TCF20: variants seen among roughly 807,000 people sequenced by gnomAD.
TCF20 encodes the protein SPRE-binding protein.
In TCF20, 3 loss-of-function variants were observed where a neutral mutation model predicts 148.6. That is an observed-to-expected ratio of 0.02 (90% CI 0.01 to 0.05). The LOEUF (loss-of-function observed/expected upper bound fraction) is 0.05. Ranked by LOEUF, TCF20 falls within the 10% of genes least tolerant of loss-of-function variation. The pLI is 1.00. For missense variants in TCF20, 2,350 were observed against 2,429.3 expected, an observed-to-expected ratio of 0.97 and a Z score of 0.69; for synonymous variants, 1,049 against 909.5, an observed-to-expected ratio of 1.15 and a Z score of -2.76.
Position 42,299,070 on chromosome 22 carries a change from C to T in TCF20, c.-37+44409G>A, listed in dbSNP as rs904243043. Among the ~76,000 whole-genome samples, 1 of 152,194 alleles carries T rather than the reference C, an allele frequency of 6.6e-6. No individual in the cohort carries two copies. The highest frequency in any genetic ancestry group is 2.4e-5 in the African/African-American group (1 of 41,462). On this transcript the variant is annotated intron_variant, in intron 1 of 1. Transcript: ENST00000515426. The surrounding 1 kb of genome is among the most constrained non-coding windows in gnomAD (Gnocchi z 4.1). ...GATGGGTGGGCTCCAAGGGTTCCCA[C>T]ACCCACCGCCTGCCCAGACCCCTGC...
intron 1 of TCF20, among the ~76,000 whole-genome samples, chr22:42,319,860 GTCAC>G (rs1396321313): frequency 6.6e-6 from 1 of 152,142 alleles, no homozygotes; most frequent in Non-Finnish European, 1.5e-5. Flanking sequence ...CCGCAGCTGT[GTCAC>G]TGGATCCCCT....
At chr22:42,255,917 C>T (rs1925716459) in intron 1 of TCF20, among the ~76,000 whole-genome samples, 2 of 152,134 alleles carry the variant, frequency 1.3e-5, no homozygotes, top group Admixed American at 1.3e-4. Flanking sequence ...GCCCACGCTC[C>T]CTTCTGACCT....
chr22:42,300,056 T>TTCC (rs984444972), intron 1 of TCF20, among the ~76,000 whole-genome samples: 2 of 152,122 alleles, frequency 1.3e-5, no homozygotes, highest in African/African-American at 4.8e-5. Context: ...GTTCCTTTCG[T>TTCC]TCCTTCGTTC....
chr22:42,293,956 C>T (rs965929790), intron 1 of TCF20, among the ~76,000 whole-genome samples: 1 of 152,214 alleles, frequency 6.6e-6, no homozygotes, highest in Admixed American at 6.5e-5. Flanking sequence ...GGCAAAACTG[C>T]ACCACAGCAC....
rs888345735 is a variant in TCF20, at chr22:42,315,880, G to A, written c.-37+27599C>T. On this transcript the variant is annotated intron_variant, in intron 1 of 1. Coordinates refer to the TCF20 transcript ENST00000515426. Reference sequence around the variant, plus strand: ...TGTAATCCCAGCACTTTGGGAGGCCGAGGTGGGTGGATCACTTGAGGTCAG... The same window carrying A: ...TGTAATCCCAGCACTTTGGGAGGCCAAGGTGGGTGGATCACTTGAGGTCAG... Among the ~76,000 whole-genome samples the A allele has an allele frequency of 4.6e-5, 7 of 152,086 alleles. No individual in the cohort carries two copies. In the East Asian group the frequency reaches 7.7e-4, roughly 17 times the overall value.
intron 1 of TCF20, among the ~76,000 whole-genome samples, chr22:42,276,031 A>G (rs973408458): frequency 3.3e-5 from 5 of 152,214 alleles, no homozygotes; most frequent in African/African-American, 7.2e-5. Context: ...TAAGATGACA[A>G]TAAGGAAGTT....
chr22:42,243,583 C>A (rs1368813384), intron 1 of TCF20, among the ~76,000 whole-genome samples: 1 of 152,040 alleles, frequency 6.6e-6, no homozygotes, highest in East Asian at 1.9e-4. Flanking sequence ...GCCTGGGCAA[C>A]AGAGCAAGAC....
intron 1 of TCF20, among the ~76,000 whole-genome samples, chr22:42,316,677 C>T (rs536008202): frequency 9.9e-5 from 15 of 152,160 alleles, no homozygotes; most frequent in Non-Finnish European, 1.8e-4. Flanking sequence ...TTCAAGTGAT[C>T]CGCCTTCCTC....
chr22:42,169,999 G>A (rs902977471), intron 3 of TCF20, 103 bp from the exon 4 acceptor site: 39 of 1,129,474 alleles, frequency 3.5e-5, no homozygotes, highest in African/African-American at 4.6e-5. Context: ...GTAGCAGGTC[G>A]CTACACTTAC....
chr22:42,185,363 T>C (rs1268640987), intron 2 of TCF20, among the ~76,000 whole-genome samples: 1 of 152,196 alleles, frequency 6.6e-6, no homozygotes, highest in Non-Finnish European at 1.5e-5. Flanking sequence ...TGGCACACCA[T>C]AGGCACTGTA....
intron 1 of TCF20, among the ~76,000 whole-genome samples, chr22:42,244,583 A>G (rs574463488): frequency 6.6e-6 from 1 of 152,206 alleles, no homozygotes; most frequent in Non-Finnish European, 1.5e-5. Context: ...TATCCAAAAG[A>G]AGTAAATCTA....
intron 1 of TCF20, among the ~76,000 whole-genome samples, chr22:42,257,113 CTG>C (rs1052786412): frequency 6.6e-6 from 1 of 152,204 alleles, no homozygotes; most frequent in African/African-American, 2.4e-5. Context: ...TGCGCCATGA[CTG>C]TATCACCACA....
intron 1 of TCF20, among the ~76,000 whole-genome samples, chr22:42,277,765 T>C (rs1360736289): frequency 1.3e-5 from 2 of 152,268 alleles, no homozygotes; most frequent in East Asian, 3.8e-4. Context: ...GATCCTGCCC[T>C]GTGGCTGAGC....
At chr22:42,323,372 C>T (rs994271176) in intron 1 of TCF20, among the ~76,000 whole-genome samples, 1 of 151,814 alleles carries the variant, frequency 6.6e-6, no homozygotes, top group African/African-American at 2.4e-5. Context: ...GCCATTCAGA[C>T]AGCAGCGACT....
At chr22:42,253,059 G>A (rs1372251101) in intron 1 of TCF20, among the ~76,000 whole-genome samples, 1 of 152,150 alleles carries the variant, frequency 6.6e-6, no homozygotes, top group African/African-American at 2.4e-5. Flanking sequence ...TCAAGTGACA[G>A]GGGGCCATAG....
chr22:42,266,141 C>T (rs1449425619), intron 1 of TCF20, among the ~76,000 whole-genome samples: 1 of 151,386 alleles, frequency 6.6e-6, no homozygotes, highest in Non-Finnish European at 1.5e-5. Flanking sequence ...CCGCACTTAC[C>T]ACTGACTGAT....
intron 5 of TCF20, among the ~76,000 whole-genome samples, chr22:42,164,957 AAGGTGAGATGTC>A (rs1482598266): frequency 1.6e-4 from 25 of 152,200 alleles, no homozygotes; most frequent in Non-Finnish European, 2.4e-4. Context: ...TCTGGAAGGC[AAGGTGAGATGTC>A]TGGGCTTTGT....
Position 42,209,770 on chromosome 22 carries a change from G to A in TCF20, c.5536C>T (p.Pro1846Ser), listed in dbSNP as rs1178265404. The A allele has an allele frequency of 6.2e-7, 1 of 1,614,174 alleles. No individual in the cohort carries two copies. Among genetic ancestry groups the A allele is most frequent in the Non-Finnish European group, 8.5e-7 (1 of 1,180,030 alleles). ...ACCCAAAATTCATTGCTGTCAAGAGGTAGTTCAGGGATTTGTAACTCCAGC... is the reference window on the plus strand; with the variant it reads ...ACCCAAAATTCATTGCTGTCAAGAGATAGTTCAGGGATTTGTAACTCCAGC... ...PELELQIPEL[P>S]LDSNEFWVHE... is the part of the protein sequence containing the mutation. Residue 1846 changes from proline to serine, a missense_variant, in exon 2 of 6, where the codon CCT becomes TCT. Transcript: ENST00000677622.
At chr22:42,282,704 C>T (rs868202402) in intron 1 of TCF20, among the ~76,000 whole-genome samples, 1 of 152,126 alleles carries the variant, frequency 6.6e-6, no homozygotes, top group African/African-American at 2.4e-5. Context: ...GGAGGGAGGC[C>T]GGAGAGCTGG....
Sources: gnomAD v4.1 joint callset for allele counts (sites outside exome capture counted in the v4.1 genomes callset) on GRCh38, gnomAD v4.1.1 for gene constraint, Gnocchi (gnomAD v3.1) non-coding constraint, MANE v1.5 for transcripts, NCBI Gene and HGNC (gene_info 2026-07-23, HGNC 2026-07-21) for gene names.